The following GTF3C1 variants were observed in gnomAD, a reference collection of about 807,000 sequenced individuals.
The protein encoded by GTF3C1 is general transcription factor 3C polypeptide 1.
A neutral mutation model predicts 226.7 loss-of-function variants in GTF3C1; 57 were observed. The observed-to-expected ratio is 0.25, with a 90% CI of 0.20 to 0.31. The LOEUF (loss-of-function observed/expected upper bound fraction) is 0.31. Ranked by LOEUF, GTF3C1 falls within the 10% of genes least tolerant of loss-of-function variation. The pLI, the probability that GTF3C1 is intolerant of heterozygous loss-of-function variation, is 1.00. For missense variants in GTF3C1, 2,217 were observed against 2,776.1 expected (o/e 0.80, Z 4.53); for synonymous variants, 1,090 against 1,084.8 (o/e 1.00, Z -0.09).
intron 12 of GTF3C1, among the ~76,000 whole-genome samples, chr16:27,499,940 C>A (rs573560606): frequency 1.3e-5 from 2 of 152,344 alleles, no homozygotes; most frequent in Non-Finnish European, 2.9e-5. Flanking sequence ...ACGGAAGCCC[C>A]TTCCAGCCGG....
intron 8 of GTF3C1, among the ~76,000 whole-genome samples, chr16:27,508,127 A>C (rs2088515562): frequency 6.6e-6 from 1 of 152,242 alleles, no homozygotes; most frequent in African/African-American, 2.4e-5. Context: ...CTCCTGCCTC[A>C]GCCTCCTGAG....
chr16:27,487,825 C>T (rs1416170969), intron 23 of GTF3C1, among the ~76,000 whole-genome samples: 9 of 152,146 alleles, frequency 5.9e-5, no homozygotes, highest in African/African-American at 1.9e-4. Context: ...TAAAATGCAA[C>T]ATGCCTTTGA....
intron 27 of GTF3C1, among the ~76,000 whole-genome samples, chr16:27,479,944 T>G (rs2088013980): frequency 6.6e-6 from 1 of 152,084 alleles, no homozygotes; most frequent in Non-Finnish European, 1.5e-5. Flanking sequence ...CTCATGCCTG[T>G]AATCCCAGCA....
intron 2 of GTF3C1, among the ~76,000 whole-genome samples, chr16:27,544,384 C>A (rs2089133863): frequency 6.8e-6 from 1 of 146,010 alleles, no homozygotes; most frequent in Non-Finnish European, 1.5e-5. Flanking sequence ...GACTCTGTCT[C>A]AAAAAAAAGA....
chr16:27,462,559 C>T lies in GTF3C1; in HGVS notation c.5925-73G>A. 8.4e-7 allele frequency: 1 copy of T among 1,185,096 alleles called. No homozygotes were observed. Among genetic ancestry groups the T allele is most frequent in the Non-Finnish European group, 1.2e-6 (1 of 812,588 alleles). 73.4% of individuals were successfully genotyped at this position (1,185,096 alleles called of 1,614,324 possible). A position where few individuals can be genotyped will look rare whatever the true frequency, so the allele number is the denominator to read the frequency against. On this transcript the variant is annotated intron_variant, in intron 35 of 36. Transcript: ENST00000356183. This position sits in a 1 kb window ranked among gnomAD's most constrained non-coding sequence, Gnocchi z 4.5. ...AGCTCGTCCAGACAGAACACTGAGG[C>T]TCAGGGGCGTCCTAGGCCTGGCCCA...
Position 27,523,667 on chromosome 16 carries a change from C to G in GTF3C1, c.973+4931G>C, listed in dbSNP as rs188883614. ...TCTGTTCCAAGCAGACACTGTACAG[C>G]CTTTAAAAAGGACATAAAGCATGTA... is the stretch of plus-strand genomic sequence containing the variant. On this transcript the variant is annotated intron_variant, in intron 6 of 36. Transcript: ENST00000356183. Among the ~76,000 whole-genome samples the G allele has an allele frequency of 2.3e-3, 352 of 152,204 alleles. 4 individuals carry two copies. Among genetic ancestry groups the G allele is most frequent in the African/African-American group, 8.2e-3 (342 of 41,504 alleles).
At chr16:27,538,737 T>A (rs2089037385) in intron 2 of GTF3C1, among the ~76,000 whole-genome samples, 1 of 152,136 alleles carries the variant, frequency 6.6e-6, no homozygotes, top group African/African-American at 2.4e-5. Context: ...CACAGGAGGC[T>A]TCCTGTTCCT....
chr16:27,496,452 G>T (rs2141386768), intron 14 of GTF3C1, among the ~76,000 whole-genome samples: 1 of 152,224 alleles, frequency 6.6e-6, no homozygotes, highest in Non-Finnish European at 1.5e-5. Flanking sequence ...TCGCTCTGTT[G>T]CCCAGGCTGG....
intron 10 of GTF3C1, 133 bp downstream of exon 10, chr16:27,505,766 G>C (rs1334398736): frequency 4.7e-6 from 3 of 637,774 alleles, no homozygotes; most frequent in Non-Finnish European, 5.6e-6. Flanking sequence ...TGCCTGGGAA[G>C]CACAGGCAGG....
At chr16:27,498,884 C>A in intron 12 of GTF3C1, 151 bp from the exon 13 acceptor site, 1 of 626,904 alleles carries the variant, frequency 1.6e-6, no homozygotes. Flanking sequence ...ATTTGTTGCT[C>A]AACAGTTTGC....
At chr16:27,502,322 A>G (rs1007216138) in intron 11 of GTF3C1, among the ~76,000 whole-genome samples, 1 of 152,090 alleles carries the variant, frequency 6.6e-6, no homozygotes, top group Non-Finnish European at 1.5e-5. Flanking sequence ...GTGCCTCAGA[A>G]GCGTTGAAGA....
intron 25 of GTF3C1, chr16:27,483,456 T>C (rs1400666730): frequency 4.0e-6 from 2 of 498,640 alleles, no homozygotes; most frequent in Admixed American, 4.6e-5. Flanking sequence ...CATCACACAT[T>C]TAAAAACATC....
intron 5 of GTF3C1, 87 bp from the exon 6 acceptor site, chr16:27,528,808 G>T: frequency 7.9e-7 from 1 of 1,258,950 alleles, no homozygotes; most frequent in African/African-American, 1.5e-5. Context: ...CACAAGTTCA[G>T]GACCTGAATT....
At chr16:27,545,191 G>A (rs1010172478) in intron 2 of GTF3C1, 123 bp downstream of exon 2, 26 of 731,266 alleles carry the variant, frequency 3.6e-5, no homozygotes, top group Non-Finnish European at 4.6e-5. Context: ...TGGCCAGGCT[G>A]GTCTTGAACT....
Position 27,486,012 on chromosome 16 carries a change from A to G in GTF3C1, c.3843T>C (p.Asn1281=). The G allele has an allele frequency of 1.2e-6, 2 of 1,609,898 alleles. No individual in the cohort carries two copies. Among genetic ancestry groups the G allele is most frequent in the Non-Finnish European group, 1.7e-6 (2 of 1,177,522 alleles). The part of the protein sequence containing the change: ...GLLVLCRIAS[N]VLNTKVKGPF... Reference sequence around the variant, plus strand: ...TGGTTGGTACCTTGGTGTTGAGGACATTGCTGGCAATGCGGCACAGCACAA... The same window carrying G: ...TGGTTGGTACCTTGGTGTTGAGGACGTTGCTGGCAATGCGGCACAGCACAA... Residue 1281 remains asparagine (N), a synonymous_variant, in exon 24 of 37, where the codon AAT becomes AAC. Transcript: ENST00000356183.
intron 29 of GTF3C1, among the ~76,000 whole-genome samples, chr16:27,473,778 C>G (rs2087911332): frequency 6.6e-6 from 1 of 152,212 alleles, no homozygotes. Flanking sequence ...GTGCGCCAGT[C>G]CTGGGCATGC....
At chr16:27,523,707 C>T (rs1374524522) in intron 6 of GTF3C1, among the ~76,000 whole-genome samples, 1 of 152,130 alleles carries the variant, frequency 6.6e-6, no homozygotes, top group Non-Finnish European at 1.5e-5. Flanking sequence ...GTGTGGTCAC[C>T]ACCCTGAAGG....
At position 27,494,855 on chromosome 16, in the gene GTF3C1, T is replaced by C. The variant is rs1179653361; in HGVS notation, c.2686A>G (p.Arg896Gly). ...MRYIPPIPVH[R>G]DFGFGWALVS... ...AGAGCCCAGCCAAAGCCGAAGTCCC[T>C]GTGGACTGGGATTGGGGGGATGTAG... The change falls in exon 16 of 37, where the codon AGG (arginine) becomes GGG (glycine). Residue 896 changes from arginine to glycine, a missense_variant. By Grantham distance (125) the Arg-to-Gly change is moderately radical. Around this residue, in one of 12 missense-constraint regions of GTF3C1, gnomAD observed 353 missense variants for 411.7 expected, o/e 0.86. Coordinates refer to ENST00000356183, the MANE Select transcript of GTF3C1 (RefSeq NM_001520.4). 2 of 1,612,438 alleles carry C rather than the reference T, an allele frequency of 1.2e-6. No individual in the cohort carries two copies. Among genetic ancestry groups the C allele is most frequent in the Admixed American group, 1.7e-5 (1 of 60,016 alleles).
At position 27,547,851 on chromosome 16, in the gene GTF3C1, C is replaced by T. The variant is rs963664; in HGVS notation, c.221+1819G>A. ...TGTTGGCTGGACTGGTCTTGAACTC[C>T]TGACCTCAAGTTATCCGCCCACCTC... On this transcript the variant is annotated intron_variant, in intron 1 of 36. Coordinates refer to ENST00000356183, the MANE Select transcript of GTF3C1 (RefSeq NM_001520.4). Among the ~76,000 whole-genome samples the T allele has an allele frequency of 7.2e-3, 1,095 of 152,138 alleles. 28 individuals carry two copies. The highest frequency in any genetic ancestry group is 0.051 in the Admixed American group (780 of 15,258).
Sources: allele counts gnomAD v4.1 joint callset (sites outside exome capture counted in the v4.1 genomes callset), GRCh38; gene constraint gnomAD v4.1.1; regional missense constraint gnomAD v4.1.1; non-coding constraint Gnocchi (gnomAD v3.1); transcripts MANE v1.5; gene names NCBI Gene and HGNC (gene_info 2026-07-23, HGNC 2026-07-21).